Variants in RIMKLA observed in about 807,000 individuals in gnomAD.
RIMKLA encodes N-acetylaspartylglutamate synthase A.
A neutral mutation model predicts 32.7 loss-of-function variants in RIMKLA; 14 were observed. The ratio of observed to expected loss-of-function variants is 0.43; its 90% CI spans 0.28 to 0.67. The LOEUF (loss-of-function observed/expected upper bound fraction) is 0.67. Ranked by LOEUF, RIMKLA falls within the 30% of genes least tolerant of loss-of-function variation. The pLI, the probability that RIMKLA is intolerant of heterozygous loss-of-function variation, is 0.18. For missense variants in RIMKLA, 410 were observed against 519.0 expected (o/e 0.79, Z 2.04); for synonymous variants, 176 against 204.1 (o/e 0.86, Z 1.18).
rs1643258328 is a variant in RIMKLA, at chr1:42,417,440, G to A, written c.*2466G>A. ...CACAGCTGGCCACAGGCCTGCTGAAGGAACATGGGGTGTAGAGCCAGAGCC... is the reference window on the plus strand; with the variant it reads ...CACAGCTGGCCACAGGCCTGCTGAAAGAACATGGGGTGTAGAGCCAGAGCC... On this transcript the variant is annotated 3_prime_UTR_variant, in exon 5 of 5. Transcript: ENST00000431473. 1 of 152,254 alleles carries A rather than the reference G, an allele frequency of 6.6e-6. No individual in the cohort carries two copies. Among genetic ancestry groups the A allele is most frequent in the South Asian group, 2.1e-4 (1 of 4,832 alleles). The allele number at this position is 152,254 out of a possible 1,614,324, so 9.4% of individuals were successfully genotyped here.
chr1:42,381,205 C>T lies in RIMKLA; in HGVS notation c.163+108C>T, dbSNP rs367735489. On this transcript the variant is annotated intron_variant, in intron 1 of 4. Transcript: ENST00000431473. Reference sequence around the variant, plus strand: ...CCCGCAGCAGAGTCTCCTTCGGGCCCGCACACTAGCCGCACTCTAGCTGCG... The same window carrying T: ...CCCGCAGCAGAGTCTCCTTCGGGCCTGCACACTAGCCGCACTCTAGCTGCG... The T allele has an allele frequency of 6.8e-4, 550 of 813,002 alleles. 2 individuals are homozygous for T. The highest frequency in any genetic ancestry group is 8.1e-4 in the Non-Finnish European group (490 of 602,074). The allele number at this position is 813,002 out of a possible 1,614,324, so 50.4% of individuals were successfully genotyped here. A position where few individuals can be genotyped will look rare whatever the true frequency, so the allele number is the denominator to read the frequency against.
At chr1:42,411,284 A>C (rs1388523103) in intron 4 of RIMKLA, among the ~76,000 whole-genome samples, 1 of 151,538 alleles carries the variant, frequency 6.6e-6, no homozygotes, top group African/African-American at 2.4e-5. Context: ...GCAGTGAGCT[A>C]TGATTGTGCC....
chr1:42,385,717 C>CTCTTCCTT (rs1642930000), intron 1 of RIMKLA, among the ~76,000 whole-genome samples: 2 of 109,040 alleles, frequency 1.8e-5, no homozygotes, highest in Non-Finnish European at 3.9e-5. Context: ...TTCTTTCCTT[C>CTCTTCCTT]TCTTTCTTTC....
chr1:42,407,683 G>T (rs906238744), intron 3 of RIMKLA, among the ~76,000 whole-genome samples: 9 of 152,110 alleles, frequency 5.9e-5, no homozygotes, highest in Non-Finnish European at 1.2e-4. Context: ...TTTTGATATA[G>T]TTCTATATGC....
At position 42,416,803 on chromosome 1, in the gene RIMKLA, A is replaced by G. The variant is rs965222437; in HGVS notation, c.*1829A>G. On this transcript the variant is annotated 3_prime_UTR_variant, in exon 5 of 5. Coordinates refer to ENST00000431473, the MANE Select transcript of RIMKLA (RefSeq NM_173642.4). The stretch of plus-strand genomic sequence containing the variant: ...TGGCTTTTAAAGTATTGTAGTTAAA[A>G]CCAGATCTCACCAAGTAATAGTTGT... The G allele has an allele frequency of 6.6e-6, 1 of 152,248 alleles. No individual in the cohort carries two copies. The highest frequency in any genetic ancestry group is 1.5e-5 in the Non-Finnish European group (1 of 68,046). 9.4% of individuals were successfully genotyped at this position (152,248 alleles called of 1,614,324 possible).
Position 42,423,220 on chromosome 1 carries a change from T to G in RIMKLA, c.*8246T>G, listed in dbSNP as rs1643308680. Among the ~76,000 whole-genome samples, 1 of 152,176 alleles carries G rather than the reference T, an allele frequency of 6.6e-6. No homozygotes were observed. The highest frequency in any genetic ancestry group is 1.5e-5 in the Non-Finnish European group (1 of 68,040). On this transcript the variant is annotated 3_prime_UTR_variant, in exon 5 of 5. Coordinates refer to ENST00000431473, the MANE Select transcript of RIMKLA (RefSeq NM_173642.4). ...AGTGCTTGATTGCTGCAGCCGAGGA[T>G]GATTTGGGGTATGACATTATGTACC...
At chr1:42,394,836 A>G (rs980984817) in intron 1 of RIMKLA, among the ~76,000 whole-genome samples, 3 of 152,052 alleles carry the variant, frequency 2.0e-5, no homozygotes, top group Non-Finnish European at 2.9e-5. Flanking sequence ...TCCTGGGTTC[A>G]AGTGATTCTT....
chr1:42,381,383 C>G (rs1045394915), intron 1 of RIMKLA, among the ~76,000 whole-genome samples: 3 of 152,188 alleles, frequency 2.0e-5, no homozygotes, highest in Non-Finnish European at 2.9e-5. Flanking sequence ...ACCCAGGTGT[C>G]CGAGGAAAAT....
In RIMKLA at chr1:42,414,765, A is replaced by C. The variant is rs771603211; in HGVS notation, c.967A>C (p.Lys323Gln). 2 of 1,614,024 alleles carry C rather than the reference A, an allele frequency of 1.2e-6. No homozygotes were observed. The highest frequency in any genetic ancestry group is 2.7e-5 in the African/African-American group (2 of 74,916). ...VLPGLSSPRE[K>Q]NEPDGCASAQ... ...CCCAGGACTGTCGAGTCCAAGGGAG[A>C]AGAACGAGCCGGATGGCTGTGCTTC... Residue 323 changes from lysine to glutamine, a missense_variant, in exon 5 of 5, where the codon AAG becomes CAG. Lys to Gln is a moderately conservative substitution (Grantham distance 53, BLOSUM62 1). Coordinates refer to ENST00000431473, the MANE Select transcript of RIMKLA (RefSeq NM_173642.4).
intron 1 of RIMKLA, among the ~76,000 whole-genome samples, chr1:42,386,212 C>T (rs893653118): frequency 1.3e-5 from 2 of 151,886 alleles, no homozygotes; most frequent in African/African-American, 4.8e-5. Context: ...CGTGAGCCAC[C>T]GAGCCTGGCC....
In RIMKLA at chr1:42,384,380, C is replaced by T. The variant is rs187836038; in HGVS notation, c.163+3283C>T. Among the ~76,000 whole-genome samples the T allele has an allele frequency of 2.2e-3, 335 of 151,652 alleles. 1 individual carries two copies. Among genetic ancestry groups the T allele is most frequent in the Non-Finnish European group, 4.0e-3 (271 of 67,954 alleles). ...TTTTAGAAACTGCAAGTTCTTCATT[C>T]GTTTCATAAATACGTACTAAATATT... On this transcript the variant is annotated intron_variant, in intron 1 of 4. Transcript: ENST00000431473.
rs1643250793 is a variant in RIMKLA, at chr1:42,416,608, C to T, written c.*1634C>T. The T allele has an allele frequency of 6.6e-6, 1 of 152,200 alleles. No individual in the cohort carries two copies. Among genetic ancestry groups the T allele is most frequent in the African/African-American group, 2.4e-5 (1 of 41,440 alleles). The allele number at this position is 152,200 out of a possible 1,614,324, so 9.4% of individuals were successfully genotyped here. A position where few individuals can be genotyped will look rare whatever the true frequency, so the allele number is the denominator to read the frequency against. On this transcript the variant is annotated 3_prime_UTR_variant, in exon 5 of 5. Transcript: ENST00000431473. ...TTCTAAAGAGGGTTCTAGGAATGTT[C>T]TGTGTAAGGTCAGCTTCACTGGAAT...
chr1:42,383,092 G>A (rs1010465097), intron 1 of RIMKLA, among the ~76,000 whole-genome samples: 4 of 151,008 alleles, frequency 2.6e-5, no homozygotes, highest in African/African-American at 4.9e-5. Flanking sequence ...CACCATGTTG[G>A]TCAGGCTGGT....
chr1:42,410,646 A>G lies in RIMKLA; in HGVS notation c.685+459A>G, dbSNP rs56125088. On this transcript the variant is annotated intron_variant, in intron 4 of 4. Transcript: ENST00000431473. ...ATGGAAATGTTTTCCTTTTTGTATG[A>G]TGTTATTAGAAAGCTACAGTTTATG... Among the ~76,000 whole-genome samples the G allele has an allele frequency of 6.8e-3, 1,032 of 152,218 alleles. 5 individuals carry two copies. The highest frequency in any genetic ancestry group is 0.012 in the Non-Finnish European group (800 of 67,994).
At chr1:42,384,996 G>C (rs1199783219) in intron 1 of RIMKLA, among the ~76,000 whole-genome samples, 2 of 152,070 alleles carry the variant, frequency 1.3e-5, no homozygotes, top group African/African-American at 2.4e-5. Context: ...TCCTCAAGTA[G>C]TCCCTCTCTT....
chr1:42,391,720 CAG>C (rs1422654881), intron 1 of RIMKLA, among the ~76,000 whole-genome samples: 1 of 152,086 alleles, frequency 6.6e-6, no homozygotes, highest in Non-Finnish European at 1.5e-5. Flanking sequence ...GATGTGGCCT[CAG>C]AGACTGAGAC....
intron 1 of RIMKLA, among the ~76,000 whole-genome samples, chr1:42,389,501 T>A (rs1345828445): frequency 2.6e-5 from 4 of 152,092 alleles, no homozygotes. Context: ...AAGGAAGATG[T>A]GATCAGATCA....
chr1:42,388,466 A>G (rs1642969099), intron 1 of RIMKLA, among the ~76,000 whole-genome samples: 1 of 151,566 alleles, frequency 6.6e-6, no homozygotes, highest in South Asian at 2.1e-4. Context: ...CGGCCTCCCA[A>G]AGTGCTAGGA....
intron 1 of RIMKLA, among the ~76,000 whole-genome samples, chr1:42,390,257 C>G (rs1041941814): frequency 6.6e-6 from 1 of 152,128 alleles, no homozygotes; most frequent in African/African-American, 2.4e-5. Flanking sequence ...AGGCTGGTCT[C>G]GAACTTCAGA....
Sources: gnomAD v4.1 joint callset for allele counts (sites outside exome capture counted in the v4.1 genomes callset) on GRCh38, gnomAD v4.1.1 for gene constraint, MANE v1.5 for transcripts, NCBI Gene and HGNC (gene_info 2026-07-23, HGNC 2026-07-21) for gene names.